The following BTG4 variants were observed in gnomAD, a reference collection of about 807,000 sequenced individuals.
BTG4 encodes protein BTG4.
BTG4 carries 10 observed loss-of-function variants against 19.3 expected under a neutral mutation model. That is an observed-to-expected ratio of 0.52 (90% CI 0.32 to 0.88). BTG4 has a LOEUF of 0.88. Among genes scored for constraint, BTG4 ranks in the 40% least tolerant of loss-of-function variants. The pLI is 0.04. For missense variants in BTG4, 238 were observed against 281.9 expected, an observed-to-expected ratio of 0.84 and a Z score of 1.11; for synonymous variants, 91 against 95.7, an observed-to-expected ratio of 0.95 and a Z score of 0.29.
At chr11:111,487,812 C>T (rs563128561) in intron 5 of BTG4, among the ~76,000 whole-genome samples, 12 of 152,174 alleles carry the variant, frequency 7.9e-5, no homozygotes, top group African/African-American at 2.9e-4. Context: ...TTTCTATATG[C>T]TAACAGTAAA....
At chr11:111,408,609 T>C in the BTG4 span, among the ~76,000 whole-genome samples, 1 of 152,202 alleles carries the variant, frequency 6.6e-6, no homozygotes, top group East Asian at 1.9e-4. Context: ...TTTGCTTTCA[T>C]TCATTTCTAC....
chr11:111,430,436 G>A, the BTG4 span, among the ~76,000 whole-genome samples: 1 of 152,246 alleles, frequency 6.6e-6, no homozygotes, highest in Non-Finnish European at 1.5e-5. Flanking sequence ...GGCAGAGGAA[G>A]TAATCAGATA....
At chr11:111,428,742 T>C in the BTG4 span, among the ~76,000 whole-genome samples, 1 of 152,124 alleles carries the variant, frequency 6.6e-6, no homozygotes, top group African/African-American at 2.4e-5. Flanking sequence ...CAGGCATTCA[T>C]TCCACTCCCA....
the BTG4 span, among the ~76,000 whole-genome samples, chr11:111,442,437 G>T: frequency 6.6e-5 from 10 of 151,702 alleles, no homozygotes; most frequent in Non-Finnish European, 7.4e-5. Context: ...GGAGGTGGAG[G>T]TTGCAGTGAG....
the BTG4 span, chr11:111,417,613 C>G: frequency 3.9e-5 from 6 of 152,330 alleles, no homozygotes; most frequent in African/African-American, 1.4e-4. Flanking sequence ...TGCAATCACT[C>G]CCTCATAGCA....
At chr11:111,474,805 A>G (rs1864303113) in intron 5 of BTG4, among the ~76,000 whole-genome samples, 1 of 152,150 alleles carries the variant, frequency 6.6e-6, no homozygotes, top group African/African-American at 2.4e-5. Context: ...ATCAGCACTT[A>G]GTATTTTACA....
At chr11:111,479,048 C>A (rs472849) in intron 5 of BTG4, among the ~76,000 whole-genome samples, 142,232 of 152,042 alleles carry the variant, frequency 0.94, 67,292 homozygotes, top group East Asian at 1. Context: ...ACCCAAAGAA[C>A]TCCACACCAC....
At chr11:111,492,684 A>G (rs1198287829), downstream of BTG4, among the ~76,000 whole-genome samples, 1 of 152,246 alleles carries the variant, frequency 6.6e-6, no homozygotes, top group African/African-American at 2.4e-5. Flanking sequence ...TGAAACAATT[A>G]TAATAGATAA....
At chr11:111,438,497 G>C in the BTG4 span, among the ~76,000 whole-genome samples, 5 of 152,190 alleles carry the variant, frequency 3.3e-5, no homozygotes, top group Admixed American at 2.6e-4. Context: ...CACTCTCATG[G>C]GCCATTTCCC....
At chr11:111,395,702 G>A in the BTG4 span, among the ~76,000 whole-genome samples, 1 of 152,262 alleles carries the variant, frequency 6.6e-6, no homozygotes, top group African/African-American at 2.4e-5. Context: ...AGAGGGAGCA[G>A]GTGGGGCCCA....
the BTG4 span, among the ~76,000 whole-genome samples, chr11:111,394,177 GGAA>G: frequency 5.7e-4 from 87 of 152,318 alleles, 1 homozygote; most frequent in Non-Finnish European, 9.4e-4. Context: ...TTAGGCATGG[GGAA>G]GAAGTCAAGT....
intron 1 of BTG4, 91 bp from the exon 2 acceptor site, chr11:111,498,893 T>C (rs1865902967): frequency 1.2e-6 from 1 of 867,012 alleles, no homozygotes; most frequent in African/African-American, 1.7e-5. Flanking sequence ...TTTACATACC[T>C]TAAAGTTAAA....
At chr11:111,437,444 T>C in the BTG4 span, among the ~76,000 whole-genome samples, 1 of 152,154 alleles carries the variant, frequency 6.6e-6, no homozygotes, top group Admixed American at 6.5e-5. Context: ...TGGAAAGGGA[T>C]GGAGTTTCTC....
the BTG4 span, among the ~76,000 whole-genome samples, chr11:111,428,434 G>T: frequency 6.6e-6 from 1 of 152,118 alleles, no homozygotes; most frequent in Admixed American, 6.5e-5. Flanking sequence ...AAGCCCTGCT[G>T]ACCTACAGAG....
chr11:111,425,919 T>C, the BTG4 span, among the ~76,000 whole-genome samples: 4 of 152,090 alleles, frequency 2.6e-5, no homozygotes, highest in East Asian at 7.7e-4. Flanking sequence ...CAGTCCCAGC[T>C]ACTCGGGAGG....
chr11:111,449,422 G>A, the BTG4 span: 2 of 151,828 alleles, frequency 1.3e-5, no homozygotes, highest in South Asian at 4.2e-4. Context: ...GGAGCTGCAA[G>A]GACGGAGCCA....
the BTG4 span, among the ~76,000 whole-genome samples, chr11:111,420,560 C>T: frequency 1.3e-5 from 2 of 152,154 alleles, no homozygotes; most frequent in Non-Finnish European, 2.9e-5. Flanking sequence ...AAGAGTTAAG[C>T]CTCAAAAGTC....
chr11:111,435,865 C>A, the BTG4 span, among the ~76,000 whole-genome samples: 1 of 152,146 alleles, frequency 6.6e-6, no homozygotes, highest in Non-Finnish European at 1.5e-5. Context: ...GGCCTCAGAG[C>A]CCAGCTGTAA....
chr11:111,484,865 A>G (rs550354967), intron 5 of BTG4, among the ~76,000 whole-genome samples: 1 of 152,296 alleles, frequency 6.6e-6, no homozygotes, highest in African/African-American at 2.4e-5. Flanking sequence ...AAAACACCCA[A>G]CTACATGCTG....
Sources: allele counts gnomAD v4.1 joint callset (sites outside exome capture counted in the v4.1 genomes callset), GRCh38; gene constraint gnomAD v4.1.1; transcripts MANE v1.5; gene names NCBI Gene and HGNC (gene_info 2026-07-23, HGNC 2026-07-21).